The following PAAF1 variants were observed in gnomAD, a reference collection of about 807,000 sequenced individuals.
The protein encoded by PAAF1 is proteasomal ATPase associated factor 1.
Under a neutral mutation model 52.8 loss-of-function variants are expected in PAAF1, and 46 were observed. That is an observed-to-expected ratio of 0.87 (90% confidence interval 0.69 to 1.11). The LOEUF is 1.11. Ranked by LOEUF, PAAF1 falls within the 50% of genes most tolerant of loss-of-function variation. The pLI is 0.00. For synonymous variants in PAAF1, 178 were observed against 172.8 expected (o/e 1.03, Z -0.24); for missense variants, 424 against 477.4 (o/e 0.89, Z 1.04).
chr11:73,916,516 C>T, intron 8 of PAAF1, 29 bp from the exon 9 acceptor site: 1 of 1,460,554 alleles, frequency 6.8e-7, no homozygotes, highest in East Asian at 2.3e-5. Context: ...AATCTTTAAA[C>T]AGCATTTTTG....
intron 2 of PAAF1, among the ~76,000 whole-genome samples, chr11:73,883,177 A>C (rs1948964609): frequency 6.6e-6 from 1 of 151,846 alleles, no homozygotes; most frequent in Non-Finnish European, 1.5e-5. Context: ...CCAGGTGCTG[A>C]ATTTGAACTC....
rs150194850 is a variant in PAAF1, at chr11:73,914,781, CACTGCA to C, written c.819+280_819+285del. On this transcript the variant is annotated intron_variant, in intron 8 of 11. Transcript: ENST00000310571. ...GCAGTGGCGCAATCTCGGTTCAGCT[CACTGCA>C]ACCTCCACCTCCTAGGTTCAAGTGA... Among the ~76,000 whole-genome samples the C allele has an allele frequency of 1.9e-3, 286 of 149,864 alleles. 1 individual carries two copies. The highest frequency in any genetic ancestry group is 6.9e-3 in the African/African-American group (278 of 40,510).
rs1169001001 is a variant in PAAF1, at chr11:73,930,371, AG to A, written c.*3010del. ...GGCGACAGAGCGAGGCTCTATCTCA[AG>A]AAAAAAAAAAAGAAAAAAAGAAAAC... On this transcript the variant is annotated 3_prime_UTR_variant, in exon 12 of 12. Transcript: ENST00000310571. 16 of 150,788 alleles carry A rather than the reference AG, an allele frequency of 1.1e-4. No homozygotes were observed. Among genetic ancestry groups the A allele is most frequent in the African/African-American group, 3.9e-4 (16 of 40,912 alleles). 9.3% of individuals were successfully genotyped at this position (150,788 alleles called of 1,614,324 possible).
intron 4 of PAAF1, among the ~76,000 whole-genome samples, chr11:73,892,414 A>G (rs1186218708): frequency 6.6e-6 from 1 of 152,016 alleles, no homozygotes; most frequent in African/African-American, 2.4e-5. Context: ...AAAATTTAGG[A>G]CATGTAAAAA....
At chr11:73,926,594 A>G (rs910072329) in intron 11 of PAAF1, among the ~76,000 whole-genome samples, 17 of 152,056 alleles carry the variant, frequency 1.1e-4, no homozygotes, top group African/African-American at 3.9e-4. Context: ...GTGTAGTCCC[A>G]GCTACTTGGG....
In PAAF1 at chr11:73,897,286, A is replaced by AC. The variant is rs1223370417; in HGVS notation, c.283-1853dup. ...GGGCGGCTGGCCGTGTGGGGGGCTG[A>AC]CCCCCCCACTTCCCTCCCGGACGAG... On this transcript the variant is annotated intron_variant, in intron 4 of 11. Coordinates refer to ENST00000310571, the MANE Select transcript of PAAF1 (RefSeq NM_025155.3). Among the ~76,000 whole-genome samples, 118 of 139,156 alleles carry AC rather than the reference A, an allele frequency of 8.5e-4. 1 individual carries two copies. Among genetic ancestry groups the AC allele is most frequent in the African/African-American group, 2.8e-3 (100 of 36,268 alleles). The allele number at this position is 139,156 out of a possible 152,430, so 91.3% of individuals were successfully genotyped here.
rs1378889359 is a variant in PAAF1 at position 73,927,650 on chromosome 11, C to G, written c.*288C>G. 2 of 442,354 alleles carry G rather than the reference C, an allele frequency of 4.5e-6. No homozygotes were observed. Among genetic ancestry groups the G allele is most frequent in the African/African-American group, 4.0e-5 (2 of 50,594 alleles). The allele number at this position is 442,354 out of a possible 1,614,324, so 27.4% of individuals were successfully genotyped here. On this transcript the variant is annotated 3_prime_UTR_variant, in exon 12 of 12. Coordinates refer to ENST00000310571, the MANE Select transcript of PAAF1 (RefSeq NM_025155.3). ...TAGATGCTTTTAGTTTGTTCTTAAA[C>G]CAGTTTTGTTAAATGTTTACAAGGA... is the stretch of plus-strand genomic sequence containing the variant.
At chr11:73,902,153 C>T (rs113419662) in intron 6 of PAAF1, among the ~76,000 whole-genome samples, 2 of 152,262 alleles carry the variant, frequency 1.3e-5, no homozygotes, top group Non-Finnish European at 1.5e-5. Context: ...TGAGCCACTG[C>T]GCCTGGCCCA....
intron 2 of PAAF1, chr11:73,880,081 C>G (rs915303066): frequency 2.6e-5 from 4 of 151,916 alleles, no homozygotes; most frequent in African/African-American, 9.7e-5. Context: ...ACTAGCTGGG[C>G]ATGGTGTTGG....
Position 73,899,160 on chromosome 11 carries a change from C to T in PAAF1, c.297C>T (p.Asp99=). 6.2e-7 allele frequency: 1 copy of T among 1,613,762 alleles called. No individual in the cohort carries two copies. Among genetic ancestry groups the T allele is most frequent in the South Asian group, 1.1e-5 (1 of 91,052 alleles). ...TCTTTGAACAGATAACATGCCTGGACATTTCCAGCAGAGGAGGTCTTGGTG... is the reference window on the plus strand; with the variant it reads ...TCTTTGAACAGATAACATGCCTGGATATTTCCAGCAGAGGAGGTCTTGGTG... ...RIHTKSITCL[D]ISSRGGLGVS... Residue 99 remains aspartate (D), a synonymous_variant, in exon 5 of 12, where the codon GAC becomes GAT. Transcript: ENST00000310571.
intron 6 of PAAF1, among the ~76,000 whole-genome samples, chr11:73,908,295 G>GTGTGTATATA (rs1949819739): frequency 6.9e-6 from 1 of 144,244 alleles, no homozygotes; most frequent in Non-Finnish European, 1.5e-5. Flanking sequence ...GTATATATAT[G>GTGTGTATATA]TGTGTATATA....
In PAAF1 at chr11:73,909,604, A is replaced by G. The variant is rs753195137; in HGVS notation, c.727+11A>G. On this transcript the variant is annotated intron_variant, in intron 7 of 11. Coordinates refer to ENST00000310571, the MANE Select transcript of PAAF1 (RefSeq NM_025155.3). ...CTGAGCAGATGCCCAGTAAGTTGAT[A>G]ATGATATGTAGCATTGTTTTATTTT... 5.0e-5 allele frequency: 81 copies of G among 1,612,804 alleles called. No homozygotes were observed. Among genetic ancestry groups the G allele is most frequent in the Admixed American group, 1.3e-4 (8 of 59,948 alleles).
Position 73,927,384 on chromosome 11 carries a change from G to C in PAAF1, c.*22G>C. 1 of 1,599,472 alleles carries C rather than the reference G, an allele frequency of 6.3e-7. No individual in the cohort carries two copies. The highest frequency in any genetic ancestry group is 8.6e-7 in the Non-Finnish European group (1 of 1,167,452). Reference sequence around the variant, plus strand: ...CTGACTTCTTGGAAAGAGCAGTCCCGGTTAGTGAAAAGGTTTGACCCTGAT... The same window carrying C: ...CTGACTTCTTGGAAAGAGCAGTCCCCGTTAGTGAAAAGGTTTGACCCTGAT... On this transcript the variant is annotated 3_prime_UTR_variant, in exon 12 of 12. Transcript: ENST00000310571.
chr11:73,900,392 C>T lies in PAAF1; in HGVS notation c.504C>T (p.Cys168=), dbSNP rs762334840. Reference sequence around the variant, plus strand: ...TATGGTCAGCTGAAGATGCTAGCTGCGTGGTGACCTTCAAAGGTCACAAAG... The same window carrying T: ...TATGGTCAGCTGAAGATGCTAGCTGTGTGGTGACCTTCAAAGGTCACAAAG... The part of the protein sequence containing the change: ...LKIWSAEDAS[C]VVTFKGHKGG... The change falls in exon 6 of 12, where the codon TGC becomes TGT. Residue 168 remains cysteine (C), a synonymous_variant. Coordinates refer to ENST00000310571, the MANE Select transcript of PAAF1 (RefSeq NM_025155.3). 1.3e-5 allele frequency: 21 copies of T among 1,610,684 alleles called. No homozygotes were observed. Among genetic ancestry groups the T allele is most frequent in the East Asian group, 2.2e-5 (1 of 44,862 alleles).
intron 6 of PAAF1, 72 bp downstream of exon 6, chr11:73,900,492 A>T: frequency 6.8e-7 from 1 of 1,468,922 alleles, no homozygotes; most frequent in East Asian, 2.3e-5. Context: ...AGGTAGAAAC[A>T]AGCTAGTTTA....
intron 10 of PAAF1, among the ~76,000 whole-genome samples, chr11:73,923,208 A>C (rs557050649): frequency 3.3e-5 from 5 of 152,222 alleles, no homozygotes; most frequent in Admixed American, 2.0e-4. Context: ...ACTACCTCGT[A>C]TATGCTGCTG....
chr11:73,926,231 C>T (rs1192172627), intron 11 of PAAF1, among the ~76,000 whole-genome samples: 1 of 152,082 alleles, frequency 6.6e-6, no homozygotes, highest in Non-Finnish European at 1.5e-5. Context: ...CTCAGCCTCT[C>T]GAGCAGCTGG....
At chr11:73,916,682 TG>T in intron 9 of PAAF1, 22 bp downstream of exon 9, 1 of 1,563,322 alleles carries the variant, frequency 6.4e-7, no homozygotes. Context: ...TTCATTTACA[TG>T]ATGCAGGTCT....
chr11:73,904,694 A>T (rs1949713348), intron 6 of PAAF1, among the ~76,000 whole-genome samples: 1 of 152,158 alleles, frequency 6.6e-6, no homozygotes. Context: ...ATGTATGTAT[A>T]TTGCTCCCTA....
Sources: allele counts gnomAD v4.1 joint callset (sites outside exome capture counted in the v4.1 genomes callset), GRCh38; gene constraint gnomAD v4.1.1; transcripts MANE v1.5; gene names NCBI Gene and HGNC (gene_info 2026-07-23, HGNC 2026-07-21).